Variants in EXOC6B observed in about 807,000 individuals in gnomAD.
EXOC6B encodes exocyst complex component 6B, also known as SEC15 homolog B.
In EXOC6B, 54 loss-of-function variants were observed where a neutral mutation model predicts 113.5. The observed-to-expected ratio is 0.48, with a 90% CI of 0.38 to 0.60. EXOC6B has a LOEUF of 0.60. Ranked by LOEUF, EXOC6B falls within the 20% of genes least tolerant of loss-of-function variation. The pLI, the probability that EXOC6B is intolerant of heterozygous loss-of-function variation, is 0.00. For missense variants in EXOC6B, 797 were observed against 977.5 expected (o/e 0.82, Z 2.46); for synonymous variants, 357 against 339.0 (o/e 1.05, Z -0.58).
chr2:72,577,153 T>C (rs1332669073), intron 6 of EXOC6B, among the ~76,000 whole-genome samples: 1 of 152,100 alleles, frequency 6.6e-6, no homozygotes. Flanking sequence ...ATATCAGCCA[T>C]TGATATTTTG....
intron 18 of EXOC6B, among the ~76,000 whole-genome samples, chr2:72,411,940 T>C (rs147121277): frequency 4.5e-4 from 69 of 152,296 alleles, no homozygotes; most frequent in African/African-American, 8.2e-4. Flanking sequence ...AAAATATGTA[T>C]GTTTAAGATG....
intron 20 of EXOC6B, among the ~76,000 whole-genome samples, chr2:72,249,167 G>A (rs1682853635): frequency 6.6e-6 from 1 of 152,222 alleles, no homozygotes; most frequent in Non-Finnish European, 1.5e-5. Flanking sequence ...TCAGGAAGCT[G>A]AGGTGGGAGG....
chr2:72,658,021 T>TAA (rs1370943014), intron 6 of EXOC6B, among the ~76,000 whole-genome samples: 1 of 150,166 alleles, frequency 6.7e-6, no homozygotes, highest in Non-Finnish European at 1.5e-5. Flanking sequence ...TATATATATA[T>TAA]AATTAAAATA....
rs77221660 is a variant in EXOC6B at position 72,261,738 on chromosome 2, G to T, written c.2196+73209C>A. ...CAAGTTATATTTTCATATATTTGAA[G>T]GTGGATATTATAAATCTACCAATCT... is the stretch of plus-strand genomic sequence containing the variant. On this transcript the variant is annotated intron_variant, in intron 20 of 21. Transcript: ENST00000272427. Among the ~76,000 whole-genome samples the T allele has an allele frequency of 6.2e-3, 948 of 152,236 alleles. 11 individuals are homozygous for T. Among genetic ancestry groups the T allele is most frequent in the African/African-American group, 0.021 (859 of 41,538 alleles).
chr2:72,582,465 T>A (rs1308041324), intron 6 of EXOC6B, among the ~76,000 whole-genome samples: 1 of 152,084 alleles, frequency 6.6e-6, no homozygotes, highest in Non-Finnish European at 1.5e-5. Context: ...TGCAGTAAGA[T>A]GAGATCATAC....
intron 6 of EXOC6B, among the ~76,000 whole-genome samples, chr2:72,707,176 T>C (rs1035373852): frequency 6.6e-6 from 1 of 152,184 alleles, no homozygotes; most frequent in Admixed American, 6.5e-5. Flanking sequence ...AATAAAATCA[T>C]TGGTGTTTTT....
intron 18 of EXOC6B, among the ~76,000 whole-genome samples, chr2:72,404,471 C>A (rs555097686): frequency 6.6e-6 from 1 of 152,320 alleles, no homozygotes; most frequent in South Asian, 2.1e-4. Context: ...TAGGGGCAGA[C>A]TGACACCTCA....
chr2:72,736,440 A>G lies in EXOC6B; in HGVS notation c.280-3322T>C, dbSNP rs1252256305. On this transcript the variant is annotated intron_variant, in intron 2 of 21. Coordinates refer to ENST00000272427, the MANE Select transcript of EXOC6B (RefSeq NM_015189.3). ...TTTTTCATTCATTGAACCTAGGTCAAATGAATCCCCTTAGAGCAGAGTCTC... is the reference window on the plus strand; with the variant it reads ...TTTTTCATTCATTGAACCTAGGTCAGATGAATCCCCTTAGAGCAGAGTCTC... Among the ~76,000 whole-genome samples, 3 of 152,294 alleles carry G rather than the reference A, an allele frequency of 2.0e-5. No individual in the cohort carries two copies. In the East Asian group the frequency reaches 5.8e-4, roughly 29 times the overall value.
chr2:72,192,057 C>G (rs1334299556), intron 20 of EXOC6B, among the ~76,000 whole-genome samples: 1 of 152,168 alleles, frequency 6.6e-6, no homozygotes, highest in African/African-American at 2.4e-5. Flanking sequence ...CAATTCATAT[C>G]ATGCCTATTC....
intron 6 of EXOC6B, among the ~76,000 whole-genome samples, chr2:72,696,612 T>C (rs970364385): frequency 1.3e-5 from 2 of 152,300 alleles, no homozygotes; most frequent in South Asian, 2.1e-4. Flanking sequence ...AGCAGTTTGA[T>C]TTCTCTCCCT....
At chr2:72,495,296 C>T in intron 15 of EXOC6B, 134 bp downstream of exon 15, 1 of 547,566 alleles carries the variant, frequency 1.8e-6, no homozygotes, top group Non-Finnish European at 3.2e-6. Flanking sequence ...TACAGCAGTG[C>T]CATGCAGTGA....
At chr2:72,418,012 G>T (rs1694640773) in intron 18 of EXOC6B, among the ~76,000 whole-genome samples, 1 of 152,014 alleles carries the variant, frequency 6.6e-6, no homozygotes, top group African/African-American at 2.4e-5. Context: ...TTATTGACAT[G>T]TTTGGACTCA....
intron 6 of EXOC6B, among the ~76,000 whole-genome samples, chr2:72,582,352 T>C (rs1025332035): frequency 6.0e-5 from 9 of 150,978 alleles, no homozygotes; most frequent in Admixed American, 5.3e-4. Flanking sequence ...TCTCTAACCA[T>C]AAAAAAACAA....
chr2:72,641,675 T>C lies in EXOC6B; in HGVS notation c.670-66007A>G, dbSNP rs1460611058. On this transcript the variant is annotated intron_variant, in intron 6 of 21. Coordinates refer to ENST00000272427, the MANE Select transcript of EXOC6B (RefSeq NM_015189.3). ...AAGGCAGCAGAAACTTCTGCAGACT[T>C]AAACGTCCCTCTCTGACAGCTCTAA... Among the ~76,000 whole-genome samples, 3 of 152,176 alleles carry C rather than the reference T, an allele frequency of 2.0e-5. 1 individual carries two copies. Among genetic ancestry groups the C allele is most frequent in the Admixed American group, 2.0e-4 (3 of 15,292 alleles).
intron 20 of EXOC6B, among the ~76,000 whole-genome samples, chr2:72,334,554 C>T (rs1043078436): frequency 6.6e-6 from 1 of 152,180 alleles, no homozygotes; most frequent in Admixed American, 6.5e-5. Flanking sequence ...CTGCTGGCCA[C>T]ATTATCTACA....
intron 20 of EXOC6B, among the ~76,000 whole-genome samples, chr2:72,215,998 A>G (rs183141925): frequency 6.6e-6 from 1 of 152,136 alleles, no homozygotes; most frequent in Non-Finnish European, 1.5e-5. Context: ...AAACCAAAAC[A>G]AAAAACCCTT....
chr2:72,338,949 A>G (rs2104897065), intron 19 of EXOC6B, among the ~76,000 whole-genome samples: 1 of 151,330 alleles, frequency 6.6e-6, no homozygotes, highest in South Asian at 2.1e-4. Flanking sequence ...ATACACATAC[A>G]CATACACATA....
At chr2:72,367,043 A>T (rs1690665692) in intron 19 of EXOC6B, among the ~76,000 whole-genome samples, 1 of 152,156 alleles carries the variant, frequency 6.6e-6, no homozygotes, top group African/African-American at 2.4e-5. Flanking sequence ...TCATTTCTAG[A>T]CATTTTATAA....
chr2:72,493,610 G>A (rs746597214), intron 15 of EXOC6B, among the ~76,000 whole-genome samples: 3 of 151,936 alleles, frequency 2.0e-5, no homozygotes, highest in Admixed American at 6.6e-5. Flanking sequence ...GATCTCTCGC[G>A]TATGTATGTG....
Sources: allele counts gnomAD v4.1 joint callset (sites outside exome capture counted in the v4.1 genomes callset), GRCh38; gene constraint gnomAD v4.1.1; transcripts MANE v1.5; gene names NCBI Gene and HGNC (gene_info 2026-07-23, HGNC 2026-07-21).